Variants in SEPTIN7 observed in about 807,000 individuals in gnomAD.
SEPTIN7 encodes the protein septin 7, also known as septin-7.
SEPTIN7 carries 10 observed loss-of-function variants against 63.3 expected under a neutral mutation model. The observed-to-expected ratio is 0.16, with a 90% CI of 0.10 to 0.27. SEPTIN7 has a LOEUF of 0.27. Ranked by LOEUF, SEPTIN7 falls within the 10% of genes least tolerant of loss-of-function variation. The pLI is 1.00. For missense variants in SEPTIN7, 310 were observed against 521.0 expected, an observed-to-expected ratio of 0.59 and a Z score of 3.94; for synonymous variants, 131 against 165.3, an observed-to-expected ratio of 0.79 and a Z score of 1.59.
intron 3 of SEPTIN7, among the ~76,000 whole-genome samples, chr7:35,838,230 ATCCAAACTTCCTTCCTTCCTTCCTTCCT>A (rs1784177139): frequency 1.5e-5 from 2 of 136,614 alleles, no homozygotes; most frequent in African/African-American, 5.5e-5. Context: ...TTTTTATATT[ATCCAAACTTCCTTCCTTCCTTCCTTCCT>A]TCCTTCCTTC....
chr7:35,878,677 A>G (rs1489439649), intron 6 of SEPTIN7, among the ~76,000 whole-genome samples: 1 of 152,186 alleles, frequency 6.6e-6, no homozygotes, highest in Non-Finnish European at 1.5e-5. Flanking sequence ...TACACATACT[A>G]TATATAGGAA....
At position 35,844,091 on chromosome 7, in the gene SEPTIN7, A is replaced by G. The variant is rs1784539088; in HGVS notation, c.169+11191A>G. On this transcript the variant is annotated intron_variant, in intron 3 of 13. Transcript: ENST00000350320. ...AATTGAATGATTAGTAATTAAGTTT[A>G]TGTACATCAGCAGTGTAAGTGCTAA... Among the ~76,000 whole-genome samples the G allele has an allele frequency of 2.6e-5, 4 of 152,362 alleles. No homozygotes were observed. In the South Asian group the frequency reaches 8.3e-4, roughly 32 times the overall value.
At chr7:35,896,356 A>G (rs985239343) in intron 11 of SEPTIN7, among the ~76,000 whole-genome samples, 13 of 152,180 alleles carry the variant, frequency 8.5e-5, no homozygotes, top group African/African-American at 2.7e-4. Flanking sequence ...AGCAATCACA[A>G]AATTGTTTTT....
intron 3 of SEPTIN7, among the ~76,000 whole-genome samples, chr7:35,839,372 T>A (rs1380804703): frequency 5.3e-5 from 8 of 152,242 alleles, no homozygotes; most frequent in Non-Finnish European, 1.2e-4. Context: ...CTTCATCATT[T>A]GACATTTGAA....
intron 10 of SEPTIN7, chr7:35,888,715 G>A (rs1392110199): frequency 4.9e-6 from 1 of 202,198 alleles, no homozygotes; most frequent in African/African-American, 2.3e-5. Flanking sequence ...AGCTACTCAG[G>A]AGGCTGAGGT....
At chr7:35,859,135 T>C (rs1785369565) in intron 3 of SEPTIN7, among the ~76,000 whole-genome samples, 1 of 152,190 alleles carries the variant, frequency 6.6e-6, no homozygotes. Flanking sequence ...ATATAAGTGT[T>C]TACAACTATA....
chr7:35,853,042 A>G (rs548581619), intron 3 of SEPTIN7, among the ~76,000 whole-genome samples: 29 of 152,158 alleles, frequency 1.9e-4, no homozygotes, highest in Non-Finnish European at 3.4e-4. Context: ...TTTAATGACA[A>G]GATTAAAGGC....
intron 9 of SEPTIN7, 81 bp downstream of exon 9, chr7:35,884,068 A>G (rs993011010): frequency 5.1e-6 from 4 of 785,746 alleles, no homozygotes; most frequent in Non-Finnish European, 8.8e-6. Context: ...GTAGTACAGT[A>G]TGCACACTGT....
chr7:35,882,466 C>G lies in SEPTIN7; in HGVS notation c.631-18C>G. 3.5e-6 allele frequency: 5 copies of G among 1,437,808 alleles called. No individual in the cohort carries two copies. The highest frequency in any genetic ancestry group is 4.6e-6 in the Non-Finnish European group (5 of 1,078,246). The allele number at this position is 1,437,808 out of a possible 1,614,324, so 89.1% of individuals were successfully genotyped here. On this transcript the variant is annotated intron_variant, in intron 7 of 13. Coordinates refer to ENST00000350320, the MANE Select transcript of SEPTIN7 (RefSeq NM_001788.6). Reference sequence around the variant, plus strand: ...ATTATGTATGGTGCTCTTTTGCTGACTACTTCTTCCATTTTAGATAATGAA... The same window carrying G: ...ATTATGTATGGTGCTCTTTTGCTGAGTACTTCTTCCATTTTAGATAATGAA...
chr7:35,915,110 C>T, the SEPTIN7 span, among the ~76,000 whole-genome samples: 13 of 151,586 alleles, frequency 8.6e-5, no homozygotes, highest in African/African-American at 1.5e-4. Flanking sequence ...TACACAGGTG[C>T]ATGTATACAT....
At chr7:35,902,340 G>C (rs1053275437) in intron 12 of SEPTIN7, 8 of 151,848 alleles carry the variant, frequency 5.3e-5, no homozygotes, top group African/African-American at 9.7e-5. Flanking sequence ...CTCTCAGTCA[G>C]CATTCTTTAC....
intron 3 of SEPTIN7, among the ~76,000 whole-genome samples, chr7:35,852,910 A>G (rs1271553920): frequency 6.6e-6 from 1 of 152,070 alleles, no homozygotes; most frequent in Non-Finnish European, 1.5e-5. Context: ...TAGATCTATT[A>G]TTGTATCTTG....
At chr7:35,834,630 A>G (rs1012102334) in intron 3 of SEPTIN7, among the ~76,000 whole-genome samples, 1 of 152,138 alleles carries the variant, frequency 6.6e-6, no homozygotes, top group East Asian at 1.9e-4. Context: ...TGTTTAATTA[A>G]CTACATTTGA....
At chr7:35,860,738 A>G (rs1267163391) in intron 3 of SEPTIN7, among the ~76,000 whole-genome samples, 2 of 152,212 alleles carry the variant, frequency 1.3e-5, no homozygotes, top group African/African-American at 4.8e-5. Flanking sequence ...GATTCTGTCT[A>G]TGCAGTGAGT....
At chr7:35,902,159 ATAGTCCTTGGGT>A (rs1788360753) in intron 12 of SEPTIN7, 1 of 151,682 alleles carries the variant, frequency 6.6e-6, no homozygotes, top group South Asian at 2.1e-4. Context: ...AAGGTTTTGA[ATAGTCCTTGGGT>A]ATTTGGCATA....
intron 3 of SEPTIN7, chr7:35,847,435 T>G (rs1249706499): frequency 6.2e-6 from 1 of 161,870 alleles, no homozygotes; most frequent in Non-Finnish European, 1.4e-5. Flanking sequence ...ATTGTCTTGG[T>G]GAGGTCCACA....
At chr7:35,839,538 G>A (rs1180251504) in intron 3 of SEPTIN7, among the ~76,000 whole-genome samples, 1 of 149,076 alleles carries the variant, frequency 6.7e-6, no homozygotes, top group African/African-American at 2.6e-5. Context: ...GTTATGTTAT[G>A]TTATGTTATG....
chr7:35,914,117 G>A, the SEPTIN7 span, among the ~76,000 whole-genome samples: 1 of 152,092 alleles, frequency 6.6e-6, no homozygotes, highest in Admixed American at 6.5e-5. Context: ...AAAGAATGAG[G>A]TATTCCTTTA....
At chr7:35,891,429 G>T (rs1787637718) in intron 11 of SEPTIN7, among the ~76,000 whole-genome samples, 1 of 152,134 alleles carries the variant, frequency 6.6e-6, no homozygotes, top group Non-Finnish European at 1.5e-5. Flanking sequence ...ATGTGGTCTA[G>T]CTATTCCTTG....
Sources: gnomAD v4.1 joint callset for allele counts (sites outside exome capture counted in the v4.1 genomes callset) on GRCh38, gnomAD v4.1.1 for gene constraint, MANE v1.5 for transcripts, NCBI Gene and HGNC (gene_info 2026-07-23, HGNC 2026-07-21) for gene names.